WWOX: variants seen among roughly 807,000 people sequenced by gnomAD.
The protein encoded by WWOX is WW domain-containing oxidoreductase.
A neutral mutation model predicts 46.2 loss-of-function variants in WWOX; 69 were observed. That is an observed-to-expected ratio of 1.49 (90% CI 1.23 to 1.82). The LOEUF (loss-of-function observed/expected upper bound fraction) is 1.82, where lower values mean the gene tolerates loss of function less well. WWOX is among the 40% of genes most tolerant of loss of function. The probability of loss-of-function intolerance (pLI) is 0.00; values close to 1 mark genes in which losing one functional copy is unlikely to be tolerated. For synonymous variants in WWOX, 359 were observed against 202.6 expected, an observed-to-expected ratio of 1.77 and a Z score of -6.56; for missense variants, 919 against 542.6, an observed-to-expected ratio of 1.69 and a Z score of -6.89.
At chr16:78,868,437 G>A (rs749694390) in intron 8 of WWOX, among the ~76,000 whole-genome samples, 1 of 151,472 alleles carries the variant, frequency 6.6e-6, no homozygotes, top group Non-Finnish European at 1.5e-5. Context: ...AAATGTTCTA[G>A]GACAAGACTG....
chr16:78,497,617 A>T (rs2084948368), intron 8 of WWOX, among the ~76,000 whole-genome samples: 1 of 152,238 alleles, frequency 6.6e-6, no homozygotes, highest in African/African-American at 2.4e-5. Context: ...CAAGAAAAGA[A>T]TCTGATGTAA....
intron 8 of WWOX, among the ~76,000 whole-genome samples, chr16:78,457,693 C>G (rs1052382629): frequency 2.6e-5 from 4 of 151,996 alleles, no homozygotes; most frequent in Admixed American, 6.6e-5. Context: ...GCAGGTGGAT[C>G]ACCTGAGGTC....
chr16:78,686,529 T>A (rs1484209677), intron 8 of WWOX, among the ~76,000 whole-genome samples: 1 of 151,132 alleles, frequency 6.6e-6, no homozygotes, highest in Non-Finnish European at 1.5e-5. Context: ...AAAAGAAATC[T>A]GTTAGAAATG....
At chr16:78,508,126 A>C (rs1295288333) in intron 8 of WWOX, among the ~76,000 whole-genome samples, 2 of 151,516 alleles carry the variant, frequency 1.3e-5, no homozygotes, top group African/African-American at 4.9e-5. Flanking sequence ...TCCGTGTCTC[A>C]ATCTCCCTAG....
At chr16:78,167,401 T>C (rs1407112211) in intron 5 of WWOX, 1 of 152,202 alleles carries the variant, frequency 6.6e-6, no homozygotes, top group East Asian at 1.9e-4. Flanking sequence ...TTTCCGATGA[T>C]AGAATTTGCT....
intron 8 of WWOX, among the ~76,000 whole-genome samples, chr16:79,107,030 C>G (rs2049324690): frequency 6.6e-6 from 1 of 151,988 alleles, no homozygotes. Flanking sequence ...AGGCTGGTCT[C>G]GATCTCCTGA....
At chr16:79,108,565 G>T (rs974488976) in intron 8 of WWOX, among the ~76,000 whole-genome samples, 3 of 152,210 alleles carry the variant, frequency 2.0e-5, no homozygotes, top group African/African-American at 4.8e-5. Flanking sequence ...ATACTTAAGG[G>T]TGATTGGCTA....
At chr16:79,127,259 C>T (rs909770837) in intron 8 of WWOX, among the ~76,000 whole-genome samples, 2 of 152,070 alleles carry the variant, frequency 1.3e-5, no homozygotes, top group Non-Finnish European at 2.9e-5. Flanking sequence ...TTTCCTTTAG[C>T]ACCTAATTCC....
intron 5 of WWOX, among the ~76,000 whole-genome samples, chr16:78,210,149 G>GT (rs1158504609): frequency 2.6e-5 from 4 of 152,114 alleles, no homozygotes; most frequent in African/African-American, 9.7e-5. Context: ...CATTACAAGG[G>GT]TGATAGGTTT....
chr16:78,418,961 AAAG>A (rs1157204263), intron 6 of WWOX, among the ~76,000 whole-genome samples: 3 of 152,186 alleles, frequency 2.0e-5, no homozygotes, highest in Admixed American at 6.5e-5. Flanking sequence ...AAAAAACAAA[AAAG>A]CAAAAGAATG....
chr16:78,753,825 A>AATATATATATATATATATATAT (rs1159243014), intron 8 of WWOX, among the ~76,000 whole-genome samples: 1 of 21,354 alleles, frequency 4.7e-5, no homozygotes, highest in Non-Finnish European at 1.2e-4. Context: ...AAAAAAAAAA[A>AATATATATATATATATATATAT]ATATATATAT....
intron 8 of WWOX, among the ~76,000 whole-genome samples, chr16:78,559,038 C>G (rs561628322): frequency 3.3e-5 from 5 of 152,194 alleles, no homozygotes; most frequent in Non-Finnish European, 4.4e-5. Flanking sequence ...CACACAAGAT[C>G]TGGCCGCTAC....
At chr16:79,041,455 G>A (rs191007547) in intron 8 of WWOX, among the ~76,000 whole-genome samples, 114 of 152,326 alleles carry the variant, frequency 7.5e-4, no homozygotes, top group Non-Finnish European at 1.3e-3. Flanking sequence ...CATAAGCCCT[G>A]TGGGTTCCAG....
intron 5 of WWOX, among the ~76,000 whole-genome samples, chr16:78,322,250 G>A (rs139299950): frequency 6.6e-6 from 1 of 152,240 alleles, no homozygotes; most frequent in East Asian, 1.9e-4. Flanking sequence ...AGTTTCTTCT[G>A]TTGTTTTTAA....
At chr16:78,401,490 G>A (rs1055908499) in intron 6 of WWOX, among the ~76,000 whole-genome samples, 56 of 152,046 alleles carry the variant, frequency 3.7e-4, no homozygotes, top group African/African-American at 1.3e-3. Flanking sequence ...GATGAAACTC[G>A]CTGTATCTTG....
chr16:78,588,513 T>C (rs1272102560), intron 8 of WWOX, among the ~76,000 whole-genome samples: 1 of 152,208 alleles, frequency 6.6e-6, no homozygotes, highest in Admixed American at 6.5e-5. Flanking sequence ...AAGTTTCTTG[T>C]AGCAGGTCAT....
intron 8 of WWOX, among the ~76,000 whole-genome samples, chr16:79,181,757 A>T (rs1243057152): frequency 6.6e-6 from 1 of 152,064 alleles, no homozygotes; most frequent in African/African-American, 2.4e-5. Flanking sequence ...ACTGGGTCGG[A>T]GGTCACAAAT....
At chr16:79,171,022 A>G (rs920455393) in intron 8 of WWOX, among the ~76,000 whole-genome samples, 1 of 152,240 alleles carries the variant, frequency 6.6e-6, no homozygotes, top group Non-Finnish European at 1.5e-5. Context: ...GAATAGACCA[A>G]AGGATTAGTC....
chr16:78,443,143 A>AC (rs1014584359), intron 8 of WWOX, among the ~76,000 whole-genome samples: 9 of 146,432 alleles, frequency 6.1e-5, no homozygotes, highest in African/African-American at 2.0e-4. Context: ...CTCAAAAAAA[A>AC]AAAAAAAAAA....
Sources: allele counts gnomAD v4.1 joint callset (sites outside exome capture counted in the v4.1 genomes callset), GRCh38; gene constraint gnomAD v4.1.1; transcripts MANE v1.5; gene names NCBI Gene and HGNC (gene_info 2026-07-23, HGNC 2026-07-21).